Variants in TRAPPC9 observed in about 807,000 individuals in gnomAD.
TRAPPC9 encodes the protein trafficking protein particle complex subunit 9.
Under a neutral mutation model 124.0 loss-of-function variants are expected in TRAPPC9, and 83 were observed. The ratio of observed to expected loss-of-function variants is 0.67; its 90% CI spans 0.56 to 0.80. TRAPPC9 has a LOEUF of 0.80. TRAPPC9 is among the 30% of genes least tolerant of loss of function. The pLI, the probability that TRAPPC9 is intolerant of heterozygous loss-of-function variation, is 0.00. For missense variants in TRAPPC9, 1,302 were observed against 1,508.3 expected, an observed-to-expected ratio of 0.86 and a Z score of 2.27; for synonymous variants, 638 against 617.5, an observed-to-expected ratio of 1.03 and a Z score of -0.49.
In TRAPPC9 at chr8:139,785,796, C is replaced by T. The variant is rs73362170; in HGVS notation, c.3056-53594G>A. ...CTTAAACATTCCTGATCTCAAAAGA[C>T]ACTATTAAGAGAATGAAAAGACAAG... On this transcript the variant is annotated intron_variant, in intron 21 of 22. Transcript: ENST00000438773. Among the ~76,000 whole-genome samples the T allele has an allele frequency of 6.8e-3, 1,040 of 152,070 alleles. 11 individuals carry two copies. Among genetic ancestry groups the T allele is most frequent in the African/African-American group, 0.024 (994 of 41,472 alleles).
intron 18 of TRAPPC9, among the ~76,000 whole-genome samples, chr8:140,021,462 TAGTC>T (rs1008478677): frequency 4.5e-4 from 68 of 152,320 alleles, no homozygotes; most frequent in African/African-American, 1.5e-3. Flanking sequence ...TTTCTTTAAG[TAGTC>T]AATTAATCTT....
At position 140,120,640 on chromosome 8, in the gene TRAPPC9, A is replaced by G. The variant is rs1031746787; in HGVS notation, c.2557-96561T>C. Reference sequence around the variant, plus strand: ...TCCATCCGTCCAACATCCAACATCCATCCATCCATCCATTCATCCATCCAC... The same window carrying G: ...TCCATCCGTCCAACATCCAACATCCGTCCATCCATCCATTCATCCATCCAC... On this transcript the variant is annotated intron_variant, in intron 17 of 22. Coordinates refer to ENST00000438773, the MANE Select transcript of TRAPPC9 (RefSeq NM_001160372.4). 3.6e-5 allele frequency among the ~76,000 whole-genome samples: 5 copies of G among 138,850 alleles called. No homozygotes were observed. The Admixed American group carries it at 3.6e-4, about 10-fold the overall frequency. 91.1% of individuals were successfully genotyped at this position (138,850 alleles called of 152,430 possible). A position where few individuals can be genotyped will look rare whatever the true frequency, so the allele number is the denominator to read the frequency against.
chr8:140,416,690 A>G (rs2069940897), intron 5 of TRAPPC9, among the ~76,000 whole-genome samples: 1 of 152,196 alleles, frequency 6.6e-6, no homozygotes, highest in Non-Finnish European at 1.5e-5. Context: ...GCTACCATTA[A>G]CTTTCTTCAC....
At chr8:140,015,770 T>C (rs1465541141) in intron 18 of TRAPPC9, among the ~76,000 whole-genome samples, 4 of 152,124 alleles carry the variant, frequency 2.6e-5, no homozygotes, top group Admixed American at 6.5e-5. Context: ...GTTGTGCCAC[T>C]GCACTCCAGC....
At chr8:140,381,698 G>C (rs1404977401) in intron 7 of TRAPPC9, among the ~76,000 whole-genome samples, 1 of 137,514 alleles carries the variant, frequency 7.3e-6, no homozygotes. Flanking sequence ...AAAAGCACAT[G>C]GGAAAAATGC....
intron 19 of TRAPPC9, among the ~76,000 whole-genome samples, chr8:139,954,310 T>C (rs1054101424): frequency 5.9e-5 from 9 of 152,300 alleles, no homozygotes; most frequent in Middle Eastern, 6.8e-3. Context: ...AAAAAAGCAG[T>C]TGTGATGGAC....
intron 16 of TRAPPC9, among the ~76,000 whole-genome samples, chr8:140,239,783 G>C (rs889972543): frequency 7.2e-5 from 11 of 152,184 alleles, no homozygotes; most frequent in African/African-American, 2.7e-4. Flanking sequence ...CAGGCAAATA[G>C]AAATTGCAAA....
chr8:140,114,735 G>C (rs143721594), intron 17 of TRAPPC9, among the ~76,000 whole-genome samples: 19 of 152,254 alleles, frequency 1.2e-4, no homozygotes, highest in East Asian at 7.7e-4. Context: ...ATATGGGAGC[G>C]GGAGGGAGAA....
chr8:140,102,618 G>A (rs563096316), intron 17 of TRAPPC9, among the ~76,000 whole-genome samples: 17 of 152,282 alleles, frequency 1.1e-4, no homozygotes, highest in African/African-American at 4.1e-4. Flanking sequence ...GTTTGGTCCT[G>A]CCTAGTTCAC....
chr8:140,043,172 T>C (rs1239628444), intron 17 of TRAPPC9, among the ~76,000 whole-genome samples: 2 of 152,224 alleles, frequency 1.3e-5, no homozygotes, highest in African/African-American at 2.4e-5. Flanking sequence ...AAAGGCTGAA[T>C]CCAGCATCTA....
At chr8:140,021,653 A>T (rs1839844696) in intron 18 of TRAPPC9, among the ~76,000 whole-genome samples, 1 of 152,194 alleles carries the variant, frequency 6.6e-6, no homozygotes, top group Non-Finnish European at 1.5e-5. Context: ...TGTCTCTTAA[A>T]CCAGTGATCT....
intron 6 of TRAPPC9, among the ~76,000 whole-genome samples, chr8:140,402,192 C>T (rs999202998): frequency 6.6e-6 from 1 of 151,588 alleles, no homozygotes; most frequent in Non-Finnish European, 1.5e-5. Flanking sequence ...CATGGACAGA[C>T]CCTGTCATTA....
chr8:140,432,130 T>G (rs147940532), intron 4 of TRAPPC9, among the ~76,000 whole-genome samples: 146 of 152,164 alleles, frequency 9.6e-4, no homozygotes, highest in Non-Finnish European at 1.6e-3. Context: ...AACAGGGAAA[T>G]TAGGACATTA....
At chr8:140,057,205 T>C (rs895827102) in intron 17 of TRAPPC9, among the ~76,000 whole-genome samples, 1 of 152,178 alleles carries the variant, frequency 6.6e-6, no homozygotes, top group African/African-American at 2.4e-5. Flanking sequence ...AGTGAGGATG[T>C]GGAGAAATTG....
chr8:140,013,196 T>C (rs1271913323), intron 18 of TRAPPC9, among the ~76,000 whole-genome samples: 1 of 152,106 alleles, frequency 6.6e-6, no homozygotes, highest in Admixed American at 6.5e-5. Context: ...TTCAAGCCCA[T>C]CAAGCCCATC....
intron 17 of TRAPPC9, among the ~76,000 whole-genome samples, chr8:140,154,801 G>C (rs1180066944): frequency 6.6e-6 from 1 of 152,216 alleles, no homozygotes. Flanking sequence ...CATGGAAGAA[G>C]GCACCATGTC....
intron 17 of TRAPPC9, among the ~76,000 whole-genome samples, chr8:140,154,122 C>G (rs898637584): frequency 2.0e-5 from 3 of 152,332 alleles, no homozygotes; most frequent in South Asian, 2.1e-4. Context: ...TCATGATCGC[C>G]TCTACCTTAC....
chr8:139,843,046 G>C (rs1310097264), intron 21 of TRAPPC9, among the ~76,000 whole-genome samples: 1 of 152,232 alleles, frequency 6.6e-6, no homozygotes, highest in African/African-American at 2.4e-5. Context: ...TCCAGATAGA[G>C]GCAGCTGAAG....
At position 140,280,854 on chromosome 8, in the gene TRAPPC9, AG is replaced by A. The variant is rs371948941; in HGVS notation, c.2114+3034del. ...AGCCGCTGAGCTGTGTCCTGCCACT[AG>A]AGACCTGCTTTCTGGATGTTTCACA... On this transcript the variant is annotated intron_variant, in intron 14 of 22. Transcript: ENST00000438773. 1.3e-4 allele frequency among the ~76,000 whole-genome samples: 20 copies of A among 152,334 alleles called. No homozygotes were observed. The East Asian group carries it at 3.9e-3, about 29-fold the overall frequency.
Sources: allele counts gnomAD v4.1 joint callset (sites outside exome capture counted in the v4.1 genomes callset), GRCh38; gene constraint gnomAD v4.1.1; transcripts MANE v1.5; gene names NCBI Gene and HGNC (gene_info 2026-07-23, HGNC 2026-07-21).